CNTNAP2: variants seen among roughly 807,000 people sequenced by gnomAD.
CNTNAP2 encodes contactin-associated protein-like 2.
CNTNAP2 carries 98 observed loss-of-function variants against 155.2 expected under a neutral mutation model. That is an observed-to-expected ratio of 0.63 (90% CI 0.54 to 0.75). The LOEUF (loss-of-function observed/expected upper bound fraction) is 0.75, where lower values mean the gene tolerates loss of function less well. Among genes scored for constraint, CNTNAP2 ranks in the 30% least tolerant of loss-of-function variants. The pLI is 0.00. For synonymous variants in CNTNAP2, 651 were observed against 631.2 expected (o/e 1.03, Z -0.47); for missense variants, 1,727 against 1,688.1 (o/e 1.02, Z -0.40).
chr7:148,180,981 AGGT>A (rs370402393), intron 18 of CNTNAP2, among the ~76,000 whole-genome samples: 126 of 152,250 alleles, frequency 8.3e-4, no homozygotes, highest in African/African-American at 2.7e-3. Context: ...AACAGAGAAA[AGGT>A]GGTAGTGTCT....
At chr7:146,860,839 A>G (rs374191208) in intron 3 of CNTNAP2, among the ~76,000 whole-genome samples, 1 of 152,198 alleles carries the variant, frequency 6.6e-6, no homozygotes, top group African/African-American at 2.4e-5. Context: ...AATGAGCCCT[A>G]GAATAATAAT....
At chr7:146,841,654 A>G (rs575560878) in intron 3 of CNTNAP2, among the ~76,000 whole-genome samples, 15 of 152,196 alleles carry the variant, frequency 9.9e-5, no homozygotes, top group Non-Finnish European at 2.2e-4. Flanking sequence ...TGTTCTCTAT[A>G]TCAGAACAGA....
At chr7:147,832,241 TAATTA>T (rs1047263129) in intron 13 of CNTNAP2, among the ~76,000 whole-genome samples, 56 of 57,296 alleles carry the variant, frequency 9.8e-4, no homozygotes, top group Non-Finnish European at 1.8e-3. Flanking sequence ...TATAAACATT[TAATTA>T]AATTATACAT....
chr7:146,679,318 A>G (rs563350909), intron 1 of CNTNAP2, among the ~76,000 whole-genome samples: 1 of 147,358 alleles, frequency 6.8e-6, no homozygotes, highest in South Asian at 2.2e-4. Flanking sequence ...AGCTCCATCC[A>G]TATCCATGCA....
chr7:148,263,990 G>A (rs1796622233), intron 20 of CNTNAP2, among the ~76,000 whole-genome samples: 1 of 152,170 alleles, frequency 6.6e-6, no homozygotes, highest in Admixed American at 6.5e-5. Context: ...TGCCAAACCT[G>A]AGGACGGATT....
Position 147,670,647 on chromosome 7 carries a change from G to T in CNTNAP2, c.2098+31341G>T, listed in dbSNP as rs138189308. Reference sequence around the variant, plus strand: ...AGAAGAATCTGGCCAGAGATGGCCAGACGTCAGGGGAAGATTACCTTCCCA... The same window carrying T: ...AGAAGAATCTGGCCAGAGATGGCCATACGTCAGGGGAAGATTACCTTCCCA... On this transcript the variant is annotated intron_variant, in intron 13 of 23. Coordinates refer to ENST00000361727, the MANE Select transcript of CNTNAP2 (RefSeq NM_014141.6). Among the ~76,000 whole-genome samples the T allele has an allele frequency of 9.7e-3, 1,481 of 152,298 alleles. 30 individuals carry two copies. Among genetic ancestry groups the T allele is most frequent in the African/African-American group, 0.034 (1,414 of 41,572 alleles).
rs1491193782 is a variant in CNTNAP2 at position 146,712,170 on chromosome 7, A to AT, written c.98-62101_98-62100insT. 3.8e-3 allele frequency among the ~76,000 whole-genome samples: 417 copies of AT among 111,014 alleles called. 56 individuals carry two copies. The highest frequency in any genetic ancestry group is 0.015 in the African/African-American group (394 of 25,706). The allele number at this position is 111,014 out of a possible 152,430, so 72.8% of individuals were successfully genotyped here. ...TATAGTATACATATCTTATGTATAC[A>AT]AATATGTATACATATCTTATGTATA... On this transcript the variant is annotated intron_variant, in intron 1 of 23. Transcript: ENST00000361727.
chr7:147,709,048 C>A (rs1525254), intron 13 of CNTNAP2, among the ~76,000 whole-genome samples: 4 of 152,142 alleles, frequency 2.6e-5, no homozygotes, highest in Middle Eastern at 6.8e-3. Context: ...GTTCAAAAAA[C>A]GACCCACCGC....
chr7:147,067,035 G>A (rs1799792911), intron 4 of CNTNAP2, among the ~76,000 whole-genome samples: 1 of 152,148 alleles, frequency 6.6e-6, no homozygotes, highest in Admixed American at 6.5e-5. Flanking sequence ...GCTGACGCCT[G>A]TAATCCCAGC....
At chr7:146,576,147 T>G (rs1798520717) in intron 1 of CNTNAP2, among the ~76,000 whole-genome samples, 1 of 152,070 alleles carries the variant, frequency 6.6e-6, no homozygotes, top group African/African-American at 2.4e-5. Flanking sequence ...GATCCAGAAG[T>G]GAGATCATGA....
chr7:147,365,293 C>T (rs981305984), intron 9 of CNTNAP2, among the ~76,000 whole-genome samples: 2 of 146,150 alleles, frequency 1.4e-5, no homozygotes, highest in Non-Finnish European at 3.0e-5. Flanking sequence ...AATCCCAGCT[C>T]GAACCCAGGA....
intron 3 of CNTNAP2, among the ~76,000 whole-genome samples, chr7:146,857,681 G>A (rs144099245): frequency 6.6e-6 from 1 of 152,288 alleles, no homozygotes; most frequent in African/African-American, 2.4e-5. Context: ...TCCATCCCGT[G>A]TGGGTGTCTG....
chr7:147,356,367 T>G (rs1198596908), intron 9 of CNTNAP2, among the ~76,000 whole-genome samples: 1 of 152,034 alleles, frequency 6.6e-6, no homozygotes, highest in Non-Finnish European at 1.5e-5. Context: ...CTTTGAAAAC[T>G]GGCACAAGAC....
intron 3 of CNTNAP2, among the ~76,000 whole-genome samples, chr7:147,020,505 C>T (rs12533695): frequency 0.065 from 9,865 of 152,162 alleles, 530 homozygotes; most frequent in East Asian, 0.26. Context: ...ATATGGAGTT[C>T]TCCTTTATTT....
chr7:148,414,937 A>T lies in CNTNAP2; in HGVS notation c.3797-480A>T, dbSNP rs75557130. ...TTCGGCCACAAATTCAGAGAGACTT[A>T]TGTGCAGATTATTAGGGTTCTTTCT... On this transcript the variant is annotated intron_variant, in intron 23 of 23. Coordinates refer to ENST00000361727, the MANE Select transcript of CNTNAP2 (RefSeq NM_014141.6). 756 of 220,204 alleles carry T rather than the reference A, an allele frequency of 3.4e-3. 8 individuals carry two copies. Among genetic ancestry groups the T allele is most frequent in the Middle Eastern group, 0.016 (9 of 558 alleles). 13.6% of individuals were successfully genotyped at this position (220,204 alleles called of 1,614,324 possible). A position where few individuals can be genotyped will look rare whatever the true frequency, so the allele number is the denominator to read the frequency against.
chr7:148,394,897 T>A (rs1799432425), intron 22 of CNTNAP2, among the ~76,000 whole-genome samples: 1 of 152,260 alleles, frequency 6.6e-6, no homozygotes, highest in Admixed American at 6.5e-5. Flanking sequence ...CTGCTTCTTG[T>A]GGGAGCAGAT....
chr7:147,743,948 T>C (rs1796997294), intron 13 of CNTNAP2, among the ~76,000 whole-genome samples: 1 of 152,214 alleles, frequency 6.6e-6, no homozygotes, highest in African/African-American at 2.4e-5. Flanking sequence ...TTATTACCTG[T>C]GTGACCTTGG....
At chr7:148,059,774 T>C (rs1371078724) in intron 15 of CNTNAP2, among the ~76,000 whole-genome samples, 1 of 149,242 alleles carries the variant, frequency 6.7e-6, no homozygotes, top group Non-Finnish European at 1.5e-5. Context: ...ATTATATATA[T>C]ATATTTAGTA....
chr7:148,331,048 C>T (rs149983770), intron 21 of CNTNAP2, among the ~76,000 whole-genome samples: 30,548 of 132,566 alleles, frequency 0.23, 3,741 homozygotes, highest in Middle Eastern at 0.39. Context: ...ATGGAATGGA[C>T]GGATGGGATG....
Sources: allele counts gnomAD v4.1 joint callset (sites outside exome capture counted in the v4.1 genomes callset), GRCh38; gene constraint gnomAD v4.1.1; transcripts MANE v1.5; gene names NCBI Gene and HGNC (gene_info 2026-07-23, HGNC 2026-07-21).